Variants in PCDH15 observed in about 807,000 individuals in gnomAD.
The protein encoded by PCDH15 is protocadherin related 15.
In PCDH15, 129 loss-of-function variants were observed where a neutral mutation model predicts 178.5. The ratio of observed to expected loss-of-function variants is 0.72; its 90% confidence interval spans 0.63 to 0.84. PCDH15 has a LOEUF of 0.84. PCDH15 is among the 40% of genes least tolerant of loss of function. The pLI is 0.00. For synonymous variants in PCDH15, 800 were observed against 732.0 expected (o/e 1.09, Z -1.50); for missense variants, 2,230 against 2,099.9 (o/e 1.06, Z -1.21).
At chr10:55,412,064 A>G (rs1173871961) in intron 2 of PCDH15, among the ~76,000 whole-genome samples, 3 of 152,122 alleles carry the variant, frequency 2.0e-5, no homozygotes, top group East Asian at 1.9e-4. Flanking sequence ...AAGAAGAAGA[A>G]AGAGAATGAT....
At chr10:55,474,374 C>A (rs998262435) in intron 2 of PCDH15, among the ~76,000 whole-genome samples, 2 of 152,034 alleles carry the variant, frequency 1.3e-5, no homozygotes, top group African/African-American at 4.8e-5. Flanking sequence ...ATTTTTGAAT[C>A]ATTAAACTCT....
intron 2 of PCDH15, among the ~76,000 whole-genome samples, chr10:55,525,532 A>T (rs1841285038): frequency 6.6e-6 from 1 of 151,978 alleles, no homozygotes; most frequent in African/African-American, 2.4e-5. Flanking sequence ...TCATTGCAAT[A>T]TTCCTAAATT....
At chr10:54,109,277 T>C (rs1460830321) in intron 15 of PCDH15, among the ~76,000 whole-genome samples, 1 of 152,208 alleles carries the variant, frequency 6.6e-6, no homozygotes, top group Non-Finnish European at 1.5e-5. Flanking sequence ...GGCAGAGCTA[T>C]CTGCACTCCG....
chr10:55,265,299 A>T (rs1592033587), intron 1 of PCDH15, among the ~76,000 whole-genome samples: 1 of 141,380 alleles, frequency 7.1e-6, no homozygotes, highest in South Asian at 2.1e-4. Flanking sequence ...AGATATAGAG[A>T]TGTATCTCTA....
chr10:54,772,825 T>C (rs1029616697), intron 1 of PCDH15, among the ~76,000 whole-genome samples: 1 of 152,126 alleles, frequency 6.6e-6, no homozygotes. Context: ...CATATGTTAA[T>C]TGCAGCCATA....
At position 53,947,736 on chromosome 10, in the gene PCDH15, CA is replaced by C. The variant is rs564469496; in HGVS notation, c.3123-6762del. Among the ~76,000 whole-genome samples, 728 of 152,142 alleles carry C rather than the reference CA, an allele frequency of 4.8e-3. 3 individuals are homozygous for C. Among genetic ancestry groups the C allele is most frequent in the Non-Finnish European group, 8.9e-3 (608 of 67,980 alleles). On this transcript the variant is annotated intron_variant, in intron 23 of 37. Transcript: ENST00000644397. ...TTAGATAAGAAAATTAATGAAGGGC[CA>C]AAAGACTAGACACTGCTTTTTACGT...
In PCDH15 at chr10:53,926,917, TGG is replaced by T. The variant is rs1272635453; in HGVS notation, c.3373+11896_3373+11897del. ...TCTTTAAAGCGCTAATCTCACCTTGTGGATACGTATCCCCTTACAGCACTTAG... is the reference window on the plus strand; with the variant it reads ...TCTTTAAAGCGCTAATCTCACCTTGTATACGTATCCCCTTACAGCACTTAG... On this transcript the variant is annotated intron_variant, in intron 25 of 37. Coordinates refer to ENST00000644397, the MANE Select transcript of PCDH15 (RefSeq NM_001384140.1). Among the ~76,000 whole-genome samples the T allele has an allele frequency of 2.6e-5, 4 of 152,018 alleles. No individual in the cohort carries two copies. The East Asian group carries it at 7.8e-4, about 30-fold the overall frequency.
Position 54,836,713 on chromosome 10 carries a change from A to G in PCDH15, c.-29+60737T>C, listed in dbSNP as rs377675159. 1.2e-4 allele frequency among the ~76,000 whole-genome samples: 19 copies of G among 152,266 alleles called. No individual in the cohort carries two copies. The South Asian group carries it at 3.3e-3, about 27-fold the overall frequency. ...AATAAACTAAATCAATTCAAAAAAG[A>G]TAACAATAGATTGAGATGAAGAAAA... On this transcript the variant is annotated intron_variant, in intron 3 of 5. Transcript: ENST00000458638.
At chr10:55,280,536 C>T (rs1342392912) in intron 1 of PCDH15, among the ~76,000 whole-genome samples, 2 of 149,848 alleles carry the variant, frequency 1.3e-5, no homozygotes, top group African/African-American at 4.9e-5. Context: ...TGATCCACCC[C>T]CCTCGGCCTC....
At chr10:54,810,491 G>A (rs142362899) in intron 3 of PCDH15, among the ~76,000 whole-genome samples, 29 of 151,954 alleles carry the variant, frequency 1.9e-4, no homozygotes, top group African/African-American at 6.0e-4. Context: ...CTTTCTAGAC[G>A]TAACATCAAC....
chr10:54,075,684 T>G (rs2135913944), intron 17 of PCDH15, among the ~76,000 whole-genome samples: 1 of 152,332 alleles, frequency 6.6e-6, no homozygotes, highest in South Asian at 2.1e-4. Flanking sequence ...TTGCATATGA[T>G]GTTAGATAAG....
At chr10:54,314,533 A>T (rs10825301) in intron 8 of PCDH15, among the ~76,000 whole-genome samples, 99,679 of 151,920 alleles carry the variant, frequency 0.66, 33,560 homozygotes, top group Middle Eastern at 0.81. Context: ...AAACTTTTTT[A>T]AAAAAAGAGT....
intron 2 of PCDH15, among the ~76,000 whole-genome samples, chr10:55,538,574 C>CT (rs1287896390): frequency 9.2e-6 from 1 of 108,338 alleles, no homozygotes; most frequent in Non-Finnish European, 1.9e-5. Context: ...TCCTTCCTTC[C>CT]TCCTTTCCTT....
At chr10:55,386,202 C>A (rs1266847542) in intron 2 of PCDH15, among the ~76,000 whole-genome samples, 5 of 151,864 alleles carry the variant, frequency 3.3e-5, no homozygotes, top group African/African-American at 1.2e-4. Flanking sequence ...ACACAGGTCA[C>A]TAACCAACAT....
chr10:55,443,859 C>T (rs986605510), intron 2 of PCDH15, among the ~76,000 whole-genome samples: 18 of 152,188 alleles, frequency 1.2e-4, no homozygotes, highest in Non-Finnish European at 2.1e-4. Flanking sequence ...GTGCTATTCA[C>T]AACAGCAAAG....
rs1187022963 is a variant in PCDH15 at position 55,253,050 on chromosome 10, T to C, written c.-156+66549A>G. On this transcript the variant is annotated intron_variant, in intron 1 of 5. Transcript: ENST00000458638. ...TATTAAATAAGGCAAAATTTAAGTA[T>C]AAATATTGAGGGTCATGATACCTGT... Among the ~76,000 whole-genome samples, 3 of 152,124 alleles carry C rather than the reference T, an allele frequency of 2.0e-5. No individual in the cohort carries two copies. The East Asian group carries it at 5.8e-4, about 29-fold the overall frequency.
At chr10:55,164,010 C>A (rs1839129328) in intron 2 of PCDH15, among the ~76,000 whole-genome samples, 1 of 152,160 alleles carries the variant, frequency 6.6e-6, no homozygotes, top group Non-Finnish European at 1.5e-5. Flanking sequence ...CAAGAACCTT[C>A]TCTTGGGGTC....
intron 2 of PCDH15, among the ~76,000 whole-genome samples, chr10:54,616,315 A>AT (rs1445004021): frequency 5.9e-5 from 9 of 152,058 alleles, no homozygotes. Flanking sequence ...CTGTCCTTAG[A>AT]TTTTCTATGG....
At chr10:55,137,040 A>G (rs901574295) in intron 2 of PCDH15, among the ~76,000 whole-genome samples, 3 of 152,182 alleles carry the variant, frequency 2.0e-5, no homozygotes, top group African/African-American at 7.2e-5. Flanking sequence ...GTTACATTTA[A>G]TTCCCTAATG....
Sources: gnomAD v4.1 joint callset for allele counts (sites outside exome capture counted in the v4.1 genomes callset) on GRCh38, gnomAD v4.1.1 for gene constraint, MANE v1.5 for transcripts, NCBI Gene and HGNC (gene_info 2026-07-23, HGNC 2026-07-21) for gene names.